RALGAPA2: variants seen among roughly 807,000 people sequenced by gnomAD.
The protein encoded by RALGAPA2 is Ral GTPase activating protein catalytic subunit alpha 2.
RALGAPA2 carries 139 observed loss-of-function variants against 230.4 expected under a neutral mutation model. The ratio of observed to expected loss-of-function variants is 0.60; its 90% CI spans 0.53 to 0.69. The LOEUF is 0.69. Ranked by LOEUF, RALGAPA2 falls within the 30% of genes least tolerant of loss-of-function variation. RALGAPA2 has a pLI of 0.00. For synonymous variants in RALGAPA2, 847 were observed against 837.8 expected (o/e 1.01, Z -0.19); for missense variants, 2,163 against 2,276.0 (o/e 0.95, Z 1.01).
intron 16 of RALGAPA2, among the ~76,000 whole-genome samples, chr20:20,600,325 A>G (rs1025130856): frequency 6.6e-6 from 1 of 152,206 alleles, no homozygotes; most frequent in Admixed American, 6.5e-5. Context: ...GAATCCAATG[A>G]TAAAAGCAAA....
chr20:20,513,797 G>A lies in RALGAPA2; in HGVS notation c.4085-513C>T, dbSNP rs1415397325. Among the ~76,000 whole-genome samples the A allele has an allele frequency of 2.6e-5, 4 of 152,204 alleles. No homozygotes were observed. In the East Asian group the frequency reaches 7.7e-4, roughly 29 times the overall value. On this transcript the variant is annotated intron_variant, in intron 31 of 39. Transcript: ENST00000202677. ...ACAGGAGCACTTGCTCTGGAGTGGG[G>A]CAGGGACTTCCACAGCCAGAACTGT...
intron 24 of RALGAPA2, among the ~76,000 whole-genome samples, chr20:20,540,923 T>C (rs2063625324): frequency 6.6e-6 from 1 of 152,122 alleles, no homozygotes; most frequent in East Asian, 1.9e-4. Flanking sequence ...TTCTAGTTTT[T>C]TCTGTCAGAG....
At position 20,616,079 on chromosome 20, in the gene RALGAPA2, C is replaced by A. The variant is rs770356194; in HGVS notation, c.1652G>T (p.Arg551Leu). 3 of 1,548,366 alleles carry A rather than the reference C, an allele frequency of 1.9e-6. No individual in the cohort carries two copies. In the Admixed American group the frequency reaches 6.1e-5, roughly 32 times the overall value. Residue 551 changes from arginine to leucine, a missense_variant, in exon 13 of 40, where the codon CGC (arginine) becomes CTC (leucine). Arg to Leu is a moderately radical substitution (Grantham distance 102, BLOSUM62 -2). Transcript: ENST00000202677. Reference sequence around the variant, plus strand: ...ATTCATTGTAAGCTCCATTATCATGCGCCTAAAAATAATCAAAACAGCTTT... The same window carrying A: ...ATTCATTGTAAGCTCCATTATCATGAGCCTAAAAATAATCAAAACAGCTTT... ...ACKAVLIIFR[R>L]MIMELTMNKK...
chr20:20,516,435 C>T (rs2062871882), intron 31 of RALGAPA2, among the ~76,000 whole-genome samples: 1 of 152,240 alleles, frequency 6.6e-6, no homozygotes, highest in African/African-American at 2.4e-5. Flanking sequence ...CAGCCCACTA[C>T]AGCATCTACA....
intron 3 of RALGAPA2, among the ~76,000 whole-genome samples, chr20:20,659,222 G>C (rs1455309919): frequency 6.6e-6 from 1 of 152,184 alleles, no homozygotes; most frequent in Non-Finnish European, 1.5e-5. Context: ...TGATTTCAGA[G>C]GGACCCACGT....
At chr20:20,505,307 A>G in intron 34 of RALGAPA2, 104 bp downstream of exon 34, 1 of 1,292,874 alleles carries the variant, frequency 7.7e-7, no homozygotes, top group Non-Finnish European at 1.0e-6. Context: ...TATCTATGCT[A>G]TATTTGAATG....
chr20:20,543,294 C>T (rs1270268451), intron 24 of RALGAPA2, among the ~76,000 whole-genome samples: 2 of 152,060 alleles, frequency 1.3e-5, no homozygotes, highest in Non-Finnish European at 2.9e-5. Flanking sequence ...ATCTGTCTGC[C>T]CCGGCCTCCT....
At chr20:20,483,113 GC>G (rs940675159) in intron 36 of RALGAPA2, among the ~76,000 whole-genome samples, 67 of 152,184 alleles carry the variant, frequency 4.4e-4, no homozygotes, top group South Asian at 4.1e-4. Flanking sequence ...TGGAAAGGCT[GC>G]AGATCTGTTG....
chr20:20,564,017 T>G (rs986702288), intron 23 of RALGAPA2, among the ~76,000 whole-genome samples: 3 of 152,178 alleles, frequency 2.0e-5, no homozygotes. Flanking sequence ...TCATCATTCT[T>G]TCATGATTAT....
chr20:20,515,840 G>C (rs555330913), intron 31 of RALGAPA2, among the ~76,000 whole-genome samples: 1 of 151,926 alleles, frequency 6.6e-6, no homozygotes, highest in African/African-American at 2.4e-5. Flanking sequence ...AGAACCAATG[G>C]GAGTGGGGCG....
chr20:20,515,155 T>C (rs1329664771), intron 31 of RALGAPA2, among the ~76,000 whole-genome samples: 1 of 152,200 alleles, frequency 6.6e-6, no homozygotes, highest in Non-Finnish European at 1.5e-5. Flanking sequence ...CTTCTGCTGG[T>C]AAACAAGGAT....
chr20:20,409,673 C>T (rs1027650916), intron 38 of RALGAPA2, among the ~76,000 whole-genome samples: 2 of 152,198 alleles, frequency 1.3e-5, no homozygotes, highest in African/African-American at 4.8e-5. Flanking sequence ...CAAATGTTTT[C>T]ATCTGTAGAA....
At chr20:20,489,957 TAAG>T (rs1569440504) in intron 36 of RALGAPA2, among the ~76,000 whole-genome samples, 2 of 152,094 alleles carry the variant, frequency 1.3e-5, no homozygotes, top group Non-Finnish European at 1.5e-5. Context: ...ATAAAGCAAA[TAAG>T]AAGAAGATGT....
intron 1 of RALGAPA2, among the ~76,000 whole-genome samples, chr20:20,708,411 T>A (rs971446329): frequency 1.3e-5 from 2 of 152,160 alleles, no homozygotes; most frequent in Admixed American, 6.5e-5. Flanking sequence ...CGGGTGGAGA[T>A]AATTGAATCA....
At chr20:20,691,369 T>G (rs1227588590) in intron 1 of RALGAPA2, among the ~76,000 whole-genome samples, 1 of 152,132 alleles carries the variant, frequency 6.6e-6, no homozygotes, top group Non-Finnish European at 1.5e-5. Context: ...TCTAACGTAT[T>G]CACACAATAA....
Position 20,390,702 on chromosome 20 carries a change from A to AAAAAAAAAAAT in RALGAPA2, c.*2586_*2587insATTTTTTTTTT, listed in dbSNP as rs2059589294. The AAAAAAAAAAAT allele has an allele frequency of 6.6e-6, 1 of 152,086 alleles. No homozygotes were observed. The highest frequency in any genetic ancestry group is 2.4e-5 in the African/African-American group (1 of 41,320). The allele number at this position is 152,086 out of a possible 1,614,324, so 9.4% of individuals were successfully genotyped here. A position where few individuals can be genotyped will look rare whatever the true frequency, so the allele number is the denominator to read the frequency against. Reference sequence around the variant, plus strand: ...TTGCTTTTCTAAGTAAAAAAAAAATAAAAAAGAAACTTGATCATTGCAATT... The same window carrying AAAAAAAAAAAT: ...TTGCTTTTCTAAGTAAAAAAAAAATAAAAAAAAAAATAAAAAGAAACTTGATCATTGCAATT... On this transcript the variant is annotated 3_prime_UTR_variant, in exon 40 of 40. Coordinates refer to ENST00000202677, the MANE Select transcript of RALGAPA2 (RefSeq NM_020343.4).
chr20:20,712,594 CCCCGCT>C lies in RALGAPA2; in HGVS notation c.-120_-115del. On this transcript the variant is annotated 5_prime_UTR_variant, in exon 1 of 40. Coordinates refer to ENST00000202677, the MANE Select transcript of RALGAPA2 (RefSeq NM_020343.4). The surrounding 1 kb of genome is among the most constrained non-coding windows in gnomAD (Gnocchi z 5.5). Reference sequence around the variant, plus strand: ...CGCGCGGGCCACTCGCCGCCCCCAGCCCCGCTGCTGCCGCCGCCGCCGCCGCCGCCG... The same window carrying C: ...CGCGCGGGCCACTCGCCGCCCCCAGCGCTGCCGCCGCCGCCGCCGCCGCCG... 4.1e-6 allele frequency: 5 copies of C among 1,234,530 alleles called. No homozygotes were observed. Among genetic ancestry groups the C allele is most frequent in the Non-Finnish European group, 5.1e-6 (5 of 985,554 alleles). The allele number at this position is 1,234,530 out of a possible 1,614,324, so 76.5% of individuals were successfully genotyped here. A position where few individuals can be genotyped will look rare whatever the true frequency, so the allele number is the denominator to read the frequency against.
chr20:20,685,005 A>G (rs147683365), intron 1 of RALGAPA2, among the ~76,000 whole-genome samples: 4 of 152,288 alleles, frequency 2.6e-5, no homozygotes, highest in Non-Finnish European at 4.4e-5. Context: ...CAGGGAAGAC[A>G]ATCACAGGCA....
chr20:20,627,463 TG>T (rs1568669152), intron 10 of RALGAPA2, among the ~76,000 whole-genome samples: 1 of 152,188 alleles, frequency 6.6e-6, no homozygotes, highest in East Asian at 1.9e-4. Flanking sequence ...AGGCACCCAG[TG>T]CCACCTTGTC....
Sources: allele counts gnomAD v4.1 joint callset (sites outside exome capture counted in the v4.1 genomes callset), GRCh38; gene constraint gnomAD v4.1.1; non-coding constraint Gnocchi (gnomAD v3.1); transcripts MANE v1.5; gene names NCBI Gene and HGNC (gene_info 2026-07-23, HGNC 2026-07-21).